The following GAK variants were observed in gnomAD, a reference collection of about 807,000 sequenced individuals.
GAK encodes the protein cyclin-G-associated kinase.
In GAK, 79 loss-of-function variants were observed where a neutral mutation model predicts 143.9. That is an observed-to-expected ratio of 0.55 (90% CI 0.46 to 0.66). GAK has a LOEUF of 0.66. Ranked by LOEUF, GAK falls within the 30% of genes least tolerant of loss-of-function variation. The pLI is 0.00. For missense variants in GAK, 1,693 were observed against 1,779.7 expected, an observed-to-expected ratio of 0.95 and a Z score of 0.88; for synonymous variants, 881 against 765.5, an observed-to-expected ratio of 1.15 and a Z score of -2.49.
intron 5 of GAK, among the ~76,000 whole-genome samples, chr4:902,718 C>G (rs957973536): frequency 1.3e-5 from 2 of 152,008 alleles, no homozygotes; most frequent in African/African-American, 2.4e-5. Flanking sequence ...TCACAACGTC[C>G]TAGGTTTTTT....
At chr4:867,562 CCACGGCGCG>C (rs1751443660) in intron 20 of GAK, 130 bp from the exon 21 acceptor site, 2 of 543,980 alleles carry the variant, frequency 3.7e-6, no homozygotes, top group Non-Finnish European at 6.5e-6. Context: ...ACCAGGGTCC[CCACGGCGCG>C]TCCCTTCAGG....
At chr4:895,815 C>T (rs781582541) in intron 7 of GAK, among the ~76,000 whole-genome samples, 5 of 152,200 alleles carry the variant, frequency 3.3e-5, no homozygotes, top group African/African-American at 4.8e-5. Context: ...TGGCTCTGAG[C>T]GCAGCAAGGC....
chr4:877,055 G>A (rs1714074432), intron 17 of GAK, 35 bp downstream of exon 17: 4 of 1,431,994 alleles, frequency 2.8e-6, no homozygotes, highest in Non-Finnish European at 3.9e-6. Flanking sequence ...CTAGGCGTGA[G>A]TGGGGAGCAC....
At position 868,524 on chromosome 4, in the gene GAK, A is replaced by C; in HGVS notation, c.2395+15T>G. 6.3e-7 allele frequency: 1 copy of C among 1,598,918 alleles called. No individual in the cohort carries two copies. Among genetic ancestry groups the C allele is most frequent in the South Asian group, 1.1e-5 (1 of 89,996 alleles). ...CTGCCCTCTGCAAGTGGCCAGGTCCAGGGACGCTGCCTACCCTGCCAGTCC... is the reference window on the plus strand; with the variant it reads ...CTGCCCTCTGCAAGTGGCCAGGTCCCGGGACGCTGCCTACCCTGCCAGTCC... On this transcript the variant is annotated intron_variant, in intron 20 of 27. Coordinates refer to ENST00000314167, the MANE Select transcript of GAK (RefSeq NM_005255.4).
intron 5 of GAK, 90 bp downstream of exon 5, chr4:904,547 C>T (rs1720706681): frequency 7.6e-7 from 1 of 1,317,422 alleles, no homozygotes; most frequent in Non-Finnish European, 1.0e-6. Flanking sequence ...CAGCCGCTAC[C>T]TTGAGGTCCC....
rs775792887 is a variant in GAK, at chr4:883,375, C to T, written c.1344G>A (p.Gly448=). ...GGGACAGGTTGTAGACGGCATAGTG[C>T]CCTGGGTGCTTGGAGTCCAGGAACA... is the stretch of plus-strand genomic sequence containing the variant. ...VRLFLDSKHP[G]HYAVYNLSPR... is the part of the protein sequence containing the mutation. Residue 448 remains glycine (G), a synonymous_variant, in exon 13 of 28, where the codon GGG becomes GGA. Coordinates refer to ENST00000314167, the MANE Select transcript of GAK (RefSeq NM_005255.4). 2 of 1,613,758 alleles carry T rather than the reference C, an allele frequency of 1.2e-6. No individual in the cohort carries two copies. The highest frequency in any genetic ancestry group is 1.7e-6 in the Non-Finnish European group (2 of 1,180,016).
intron 1 of GAK, among the ~76,000 whole-genome samples, chr4:930,653 A>G (rs979632044): frequency 4.6e-5 from 7 of 151,962 alleles, no homozygotes; most frequent in African/African-American, 1.7e-4. Context: ...TTAAAGAATG[A>G]AGATAACCAC....
intron 4 of GAK, among the ~76,000 whole-genome samples, chr4:907,776 G>A (rs1459637962): frequency 6.6e-6 from 1 of 152,204 alleles, no homozygotes; most frequent in Non-Finnish European, 1.5e-5. Context: ...AGATGCCACG[G>A]CTCTCCCCTG....
chr4:887,143 G>A (rs1019027543), intron 11 of GAK: 1 of 147,982 alleles, frequency 6.8e-6, no homozygotes, highest in Non-Finnish European at 1.5e-5. Context: ...TCACACACAT[G>A]CGTACACATG....
intron 23 of GAK, among the ~76,000 whole-genome samples, chr4:863,549 T>C (rs575838967): frequency 6.6e-6 from 1 of 152,286 alleles, no homozygotes; most frequent in Non-Finnish European, 1.5e-5. Context: ...ATCGTCTTAT[T>C]TTCAGAAATG....
intron 24 of GAK, among the ~76,000 whole-genome samples, chr4:857,313 G>T (rs1351451996): frequency 6.6e-6 from 1 of 152,142 alleles, no homozygotes; most frequent in Non-Finnish European, 1.5e-5. Flanking sequence ...TTGGTATCAG[G>T]GTGATAGTAT....
At chr4:918,394 G>A (rs1023394009) in intron 1 of GAK, among the ~76,000 whole-genome samples, 1 of 152,146 alleles carries the variant, frequency 6.6e-6, no homozygotes, top group African/African-American at 2.4e-5. Flanking sequence ...AAGAAAGCTA[G>A]GAAAATTAAT....
At chr4:854,925 G>T (rs1465549083) in intron 24 of GAK, among the ~76,000 whole-genome samples, 18 of 152,110 alleles carry the variant, frequency 1.2e-4, no homozygotes, top group Admixed American at 6.5e-4. Flanking sequence ...GGTGCCTGTA[G>T]TCCCAGCTAC....
Position 882,664 on chromosome 4 carries a change from A to T in GAK, c.1527+33T>A, listed in dbSNP as rs371458737. ...TGCATGAAATAATGAACTTTGACAG[A>T]AGACGGCGCCAGCCCACGGCCCTCG... On this transcript the variant is annotated intron_variant, in intron 14 of 27. Transcript: ENST00000314167. The T allele has an allele frequency of 1.9e-6, 3 of 1,604,674 alleles. No individual in the cohort carries two copies. In the East Asian group the frequency reaches 6.7e-5, roughly 36 times the overall value.
At chr4:903,568 G>A (rs1281219570) in intron 5 of GAK, among the ~76,000 whole-genome samples, 1 of 137,298 alleles carries the variant, frequency 7.3e-6, no homozygotes. Flanking sequence ...TGGGGGCCTG[G>A]GCCAACACCA....
chr4:853,816 T>TG (rs1225263591), intron 24 of GAK: 3 of 136,262 alleles, frequency 2.2e-5, no homozygotes, highest in African/African-American at 8.2e-5. Context: ...TTTTTTTTTT[T>TG]GAGACAGAGT....
chr4:895,374 G>A (rs760171867), intron 7 of GAK, among the ~76,000 whole-genome samples: 27 of 152,252 alleles, frequency 1.8e-4, no homozygotes, highest in African/African-American at 5.5e-4. Flanking sequence ...ACCCCAGGCC[G>A]AGCAAGAGCC....
rs369617275 is a variant in GAK at position 876,949 on chromosome 4, G to A, written c.1974+141C>T. 718 of 630,876 alleles carry A rather than the reference G, an allele frequency of 1.1e-3. 5 individuals are homozygous for A. The African/African-American group carries it at 0.012, about 10-fold the overall frequency. The allele number at this position is 630,876 out of a possible 1,614,324, so 39.1% of individuals were successfully genotyped here. On this transcript the variant is annotated intron_variant, in intron 17 of 27. Transcript: ENST00000314167. ...GGCAAGCAGGGGGCGCTGTGGGGCA[G>A]TCGCCACATGAGAGCCCACGGCACT...
rs750285508 is a variant in GAK, at chr4:867,175, C to T, written c.2653G>A (p.Gly885Ser). The change falls in exon 21 of 28, where the codon GGC becomes AGC. Residue 885 changes from glycine (G) to serine (S), a missense_variant. Coordinates refer to ENST00000314167, the MANE Select transcript of GAK (RefSeq NM_005255.4). ...VPQEDGVDLL[G>S]LHSEVGAGPA... The stretch of plus-strand genomic sequence containing the variant: ...CCTGCGCCCACCTCGGAGTGCAGGC[C>T]CAGGAGGTCGACCCCGTCTTCCTGT... The T allele has an allele frequency of 1.2e-5, 19 of 1,607,976 alleles. No individual in the cohort carries two copies. Among genetic ancestry groups the T allele is most frequent in the Non-Finnish European group, 1.4e-5 (17 of 1,176,822 alleles).
Sources: gnomAD v4.1 joint callset for allele counts (sites outside exome capture counted in the v4.1 genomes callset) on GRCh38, gnomAD v4.1.1 for gene constraint, MANE v1.5 for transcripts, NCBI Gene and HGNC (gene_info 2026-07-23, HGNC 2026-07-21) for gene names.